The following GRIA4 variants were observed in gnomAD, a reference collection of about 807,000 sequenced individuals.
GRIA4 encodes glutamate ionotropic receptor AMPA type subunit 4.
In GRIA4, 34 loss-of-function variants were observed where a neutral mutation model predicts 104.0. The observed-to-expected ratio is 0.33, with a 90% CI of 0.25 to 0.44. The LOEUF (loss-of-function observed/expected upper bound fraction) is 0.44, where lower values mean the gene tolerates loss of function less well. GRIA4 is among the 20% of genes least tolerant of loss of function. The pLI is 1.00. For missense variants in GRIA4, 750 were observed against 1,096.5 expected, an observed-to-expected ratio of 0.68 and a Z score of 4.46; for synonymous variants, 386 against 381.9, an observed-to-expected ratio of 1.01 and a Z score of -0.13.
At chr11:105,682,156 C>T (rs550710892) in intron 3 of GRIA4, among the ~76,000 whole-genome samples, 1 of 152,162 alleles carries the variant, frequency 6.6e-6, no homozygotes, top group African/African-American at 2.4e-5. Flanking sequence ...ACCGTGCTAG[C>T]CTAGTATATA....
At chr11:105,724,563 C>T (rs1938066847) in intron 3 of GRIA4, among the ~76,000 whole-genome samples, 1 of 151,824 alleles carries the variant, frequency 6.6e-6, no homozygotes, top group Non-Finnish European at 1.5e-5. Context: ...CATGCTCTCA[C>T]TTATAAGTGG....
At chr11:105,837,483 A>C (rs1283443600) in intron 4 of GRIA4, among the ~76,000 whole-genome samples, 2 of 151,822 alleles carry the variant, frequency 1.3e-5, no homozygotes, top group Non-Finnish European at 1.5e-5. Flanking sequence ...GTGTAGATTT[A>C]AGTGTTCCAT....
At chr11:105,902,256 A>G (rs1159092516) in intron 7 of GRIA4, among the ~76,000 whole-genome samples, 1 of 151,404 alleles carries the variant, frequency 6.6e-6, no homozygotes, top group African/African-American at 2.4e-5. Context: ...TCCATGTTTT[A>G]GTTTTTCTCT....
At chr11:105,651,039 A>G (rs558627745) in intron 3 of GRIA4, among the ~76,000 whole-genome samples, 41 of 152,274 alleles carry the variant, frequency 2.7e-4, no homozygotes, top group South Asian at 8.3e-4. Flanking sequence ...TAACTTTTCT[A>G]TTTACAAAAT....
chr11:105,629,916 C>T (rs1009556467), intron 3 of GRIA4, among the ~76,000 whole-genome samples: 1 of 152,118 alleles, frequency 6.6e-6, no homozygotes, highest in African/African-American at 2.4e-5. Context: ...CTTACTATAG[C>T]TCATTAAAAA....
intron 16 of GRIA4, 145 bp downstream of exon 16, chr11:105,974,589 G>T (rs1277271402): frequency 1.3e-6 from 2 of 1,597,888 alleles, no homozygotes; most frequent in Non-Finnish European, 1.7e-6. Context: ...AGTGAGTGGG[G>T]GATGCATCCT....
chr11:105,834,838 A>C (rs1476311668), intron 4 of GRIA4, among the ~76,000 whole-genome samples: 1 of 151,954 alleles, frequency 6.6e-6, no homozygotes, highest in Non-Finnish European at 1.5e-5. Context: ...AACAAAGAGA[A>C]AACCTATTTA....
chr11:105,742,975 G>C (rs1024848580), intron 3 of GRIA4, among the ~76,000 whole-genome samples: 3 of 152,038 alleles, frequency 2.0e-5, no homozygotes, highest in African/African-American at 7.2e-5. Context: ...GGCCTCATGT[G>C]ATCCACCCAT....
intron 3 of GRIA4, among the ~76,000 whole-genome samples, chr11:105,645,330 T>C (rs1297970564): frequency 6.6e-6 from 1 of 152,164 alleles, no homozygotes; most frequent in East Asian, 1.9e-4. Context: ...GGGAGTCAAC[T>C]GATTTGAAAG....
chr11:105,804,655 A>T (rs1942869317), intron 4 of GRIA4, among the ~76,000 whole-genome samples: 2 of 151,966 alleles, frequency 1.3e-5, no homozygotes, highest in African/African-American at 4.8e-5. Flanking sequence ...TATAAAAATA[A>T]ATTTATTTTA....
chr11:105,713,255 T>C (rs924763604), intron 3 of GRIA4, among the ~76,000 whole-genome samples: 2 of 151,872 alleles, frequency 1.3e-5, no homozygotes, highest in Admixed American at 6.6e-5. Flanking sequence ...TCGTGGTGCC[T>C]GCTTTTAATC....
intron 14 of GRIA4, among the ~76,000 whole-genome samples, chr11:105,971,551 C>T (rs1858692558): frequency 6.6e-6 from 1 of 152,216 alleles, no homozygotes; most frequent in Admixed American, 6.5e-5. Context: ...GTCTGTCAAC[C>T]TGCAGCCACT....
intron 4 of GRIA4, among the ~76,000 whole-genome samples, chr11:105,768,097 A>C (rs1253543882): frequency 6.6e-6 from 1 of 152,110 alleles, no homozygotes; most frequent in African/African-American, 2.4e-5. Context: ...TGGACATCTG[A>C]GTCCTGCAGC....
At chr11:105,856,818 G>A (rs1159323565) in intron 4 of GRIA4, among the ~76,000 whole-genome samples, 1 of 152,006 alleles carries the variant, frequency 6.6e-6, no homozygotes, top group Admixed American at 6.6e-5. Flanking sequence ...AATGCCTTAG[G>A]AAAAATCTAG....
intron 3 of GRIA4, among the ~76,000 whole-genome samples, chr11:105,691,969 T>C (rs891952290): frequency 1.2e-4 from 17 of 137,712 alleles, no homozygotes; most frequent in South Asian, 4.5e-4. Context: ...AAAATGTAAA[T>C]ATATATCTCT....
intron 3 of GRIA4, among the ~76,000 whole-genome samples, chr11:105,621,339 T>G (rs1164513190): frequency 6.6e-6 from 1 of 151,490 alleles, no homozygotes; most frequent in Non-Finnish European, 1.5e-5. Flanking sequence ...TCACAACACT[T>G]GGAGCTAATC....
At chr11:105,800,348 T>C (rs1942670195) in intron 4 of GRIA4, among the ~76,000 whole-genome samples, 2 of 152,032 alleles carry the variant, frequency 1.3e-5, no homozygotes, top group Non-Finnish European at 1.5e-5. Context: ...TAACTAACTT[T>C]TAGCAAGTTA....
At chr11:105,964,475 C>T (rs1165955627) in intron 14 of GRIA4, among the ~76,000 whole-genome samples, 1 of 152,178 alleles carries the variant, frequency 6.6e-6, no homozygotes. Context: ...AAATATGCAA[C>T]ACTTTTTATT....
At chr11:105,751,577 T>C (rs940243064) in intron 3 of GRIA4, among the ~76,000 whole-genome samples, 1 of 152,188 alleles carries the variant, frequency 6.6e-6, no homozygotes, top group Non-Finnish European at 1.5e-5. Flanking sequence ...AATTAGTTGA[T>C]GGTTCTTCTT....
Sources: gnomAD v4.1 joint callset for allele counts (sites outside exome capture counted in the v4.1 genomes callset) on GRCh38, gnomAD v4.1.1 for gene constraint, MANE v1.5 for transcripts, NCBI Gene and HGNC (gene_info 2026-07-23, HGNC 2026-07-21) for gene names.